The following PTPRD variants were observed in gnomAD, a reference collection of about 807,000 sequenced individuals.
PTPRD encodes protein tyrosine phosphatase receptor type D, also known as receptor-type tyrosine-protein phosphatase delta.
PTPRD carries 34 observed loss-of-function variants against 214.5 expected under a neutral mutation model. The observed-to-expected ratio is 0.16, with a 90% CI of 0.12 to 0.21. PTPRD has a LOEUF of 0.21. Among genes scored for constraint, PTPRD ranks in the 10% least tolerant of loss-of-function variants. The pLI is 1.00. For synonymous variants in PTPRD, 1,128 were observed against 845.7 expected, an observed-to-expected ratio of 1.33 and a Z score of -5.79; for missense variants, 2,545 against 2,398.7, an observed-to-expected ratio of 1.06 and a Z score of -1.27.
chr9:10,437,881 G>T (rs150643773), intron 2 of PTPRD, among the ~76,000 whole-genome samples: 1 of 150,360 alleles, frequency 6.7e-6, no homozygotes, highest in Admixed American at 6.7e-5. Context: ...AGATGAGGCC[G>T]CCTTTCCTTT....
chr9:9,231,619 C>A (rs2099963157), intron 9 of PTPRD, among the ~76,000 whole-genome samples: 1 of 152,120 alleles, frequency 6.6e-6, no homozygotes, highest in African/African-American at 2.4e-5. Context: ...ATGCCAAAGT[C>A]AGCTTTGTTT....
intron 9 of PTPRD, among the ~76,000 whole-genome samples, chr9:9,252,373 A>T (rs1336928171): frequency 6.6e-6 from 1 of 152,140 alleles, no homozygotes; most frequent in South Asian, 2.1e-4. Context: ...TTTGCATAAC[A>T]CACCTTACCC....
rs141490618 is a variant in PTPRD at position 9,599,584 on chromosome 9, A to C, written c.-286-24803T>G. Among the ~76,000 whole-genome samples, 1,387 of 152,002 alleles carry C rather than the reference A, an allele frequency of 9.1e-3. 20 individuals are homozygous for C. The highest frequency in any genetic ancestry group is 0.032 in the African/African-American group (1,325 of 41,466). ...TATCTTAATTTCTTTGTTTTCATAT[A>C]TTTATCTTTATCTTTATGTGTTTCA... On this transcript the variant is annotated intron_variant, in intron 7 of 45. Transcript: ENST00000381196.
intron 3 of PTPRD, among the ~76,000 whole-genome samples, chr9:10,255,731 TAAAC>T: frequency 6.6e-6 from 1 of 152,346 alleles, no homozygotes; most frequent in East Asian, 1.9e-4. Context: ...GCTTAAAACA[TAAAC>T]ACATTGTGCA....
In PTPRD at chr9:9,141,715, G is replaced by A. The variant is rs934685137; in HGVS notation, c.-143+41589C>T. ...TTTATATATTATAAATATATTATCT[G>A]GTATATACCTAATGTAAACATATAT... On this transcript the variant is annotated intron_variant, in intron 10 of 45. Transcript: ENST00000381196. Among the ~76,000 whole-genome samples the A allele has an allele frequency of 4.0e-5, 6 of 149,840 alleles. No individual in the cohort carries two copies. The South Asian group carries it at 1.3e-3, about 32-fold the overall frequency.
chr9:9,882,538 C>T (rs7871354), intron 5 of PTPRD, among the ~76,000 whole-genome samples: 12,890 of 151,862 alleles, frequency 0.085, 1,303 homozygotes, highest in African/African-American at 0.25. Context: ...TAATTTATAT[C>T]CAACCTAAAT....
intron 39 of PTPRD, among the ~76,000 whole-genome samples, chr9:8,355,309 C>CAACT (rs2076700573): frequency 6.6e-6 from 1 of 152,144 alleles, no homozygotes; most frequent in South Asian, 2.1e-4. Flanking sequence ...GCTGTACTGC[C>CAACT]TGCCAGAACA....
intron 11 of PTPRD, among the ~76,000 whole-genome samples, chr9:8,792,651 A>C (rs1273015857): frequency 6.6e-6 from 1 of 152,240 alleles, no homozygotes; most frequent in Non-Finnish European, 1.5e-5. Context: ...CCTTTAAAAA[A>C]TGAAATTATA....
At chr9:9,590,575 C>T (rs923817524) in intron 7 of PTPRD, among the ~76,000 whole-genome samples, 1 of 151,788 alleles carries the variant, frequency 6.6e-6, no homozygotes, top group Non-Finnish European at 1.5e-5. Flanking sequence ...AAATATTAAA[C>T]ATGTAATTTT....
At chr9:8,458,918 C>G (rs934762352) in intron 33 of PTPRD, among the ~76,000 whole-genome samples, 2 of 152,102 alleles carry the variant, frequency 1.3e-5, no homozygotes, top group Non-Finnish European at 2.9e-5. Context: ...ATCTTTCATT[C>G]TTTATAACTC....
At chr9:9,672,747 C>CA (rs886890516) in intron 7 of PTPRD, among the ~76,000 whole-genome samples, 12 of 150,340 alleles carry the variant, frequency 8.0e-5, no homozygotes, top group East Asian at 3.9e-4. Context: ...ACAAAAGCTA[C>CA]AAAAAAAAAT....
chr9:8,416,612 GT>G (rs927320049), intron 35 of PTPRD, among the ~76,000 whole-genome samples: 4 of 152,254 alleles, frequency 2.6e-5, no homozygotes, highest in African/African-American at 7.2e-5. Context: ...GGCTTTTGGG[GT>G]CCATGAAGGT....
At chr9:9,612,121 A>T (rs2094544478) in intron 7 of PTPRD, among the ~76,000 whole-genome samples, 1 of 152,140 alleles carries the variant, frequency 6.6e-6, no homozygotes, top group African/African-American at 2.4e-5. Flanking sequence ...TGAATATAGA[A>T]AATTGTGTAA....
At chr9:10,286,582 C>T (rs1445034222) in intron 3 of PTPRD, among the ~76,000 whole-genome samples, 3 of 152,102 alleles carry the variant, frequency 2.0e-5, no homozygotes, top group Admixed American at 6.6e-5. Flanking sequence ...ACTCAAACTA[C>T]TATAAATGTT....
intron 3 of PTPRD, among the ~76,000 whole-genome samples, chr9:10,138,359 G>C (rs1272571900): frequency 6.6e-6 from 1 of 151,746 alleles, no homozygotes; most frequent in Non-Finnish European, 1.5e-5. Context: ...AAACCTAACA[G>C]ACCAATAACG....
At chr9:9,843,893 G>C (rs1222134844) in intron 5 of PTPRD, among the ~76,000 whole-genome samples, 1 of 151,950 alleles carries the variant, frequency 6.6e-6, no homozygotes, top group East Asian at 1.9e-4. Flanking sequence ...TTATCGAATA[G>C]ACCATGACAA....
chr9:9,924,658 T>G (rs903418974), intron 5 of PTPRD, among the ~76,000 whole-genome samples: 2 of 152,122 alleles, frequency 1.3e-5, no homozygotes, highest in Non-Finnish European at 2.9e-5. Context: ...TAACATGCTT[T>G]TGAAATAAAA....
In PTPRD at chr9:8,499,763, C is replaced by T. The variant is rs745717615; in HGVS notation, c.2206G>A (p.Val736Met). 9.2e-5 allele frequency: 149 copies of T among 1,613,914 alleles called. No individual in the cohort carries two copies. Among genetic ancestry groups the T allele is most frequent in the African/African-American group, 6.5e-4 (49 of 74,898 alleles). The part of the protein sequence containing the change: ...TSVKVSWRSP[V>M]PNKQHGQIRG... ...ATCTGGCCATGCTGTTTATTGGGCA[C>T]GGGTGAGCGCCATGAGACTTTAACA... is the stretch of plus-strand genomic sequence containing the variant. The change falls in exon 25 of 46, where the codon GTG (valine) becomes ATG (methionine). Residue 736 changes from valine (V) to methionine (M), a missense_variant. By Grantham distance (21) the Val-to-Met change is conservative (BLOSUM62 1). Transcript: ENST00000381196.
intron 21 of PTPRD, among the ~76,000 whole-genome samples, chr9:8,514,482 T>C (rs1210155384): frequency 1.3e-5 from 2 of 152,040 alleles, no homozygotes; most frequent in East Asian, 3.9e-4. Flanking sequence ...GTAACGATCT[T>C]TCATAAAAAT....
Sources: gnomAD v4.1 joint callset for allele counts (sites outside exome capture counted in the v4.1 genomes callset) on GRCh38, gnomAD v4.1.1 for gene constraint, MANE v1.5 for transcripts, NCBI Gene and HGNC (gene_info 2026-07-23, HGNC 2026-07-21) for gene names.